DTWD2: variants seen among roughly 807,000 people sequenced by gnomAD.
DTWD2 encodes the protein tRNA-uridine aminocarboxypropyltransferase 2.
DTWD2 carries 39 observed loss-of-function variants against 31.8 expected under a neutral mutation model. That is an observed-to-expected ratio of 1.22 (90% CI 0.95 to 1.60). DTWD2 has a LOEUF of 1.60. Ranked by LOEUF, DTWD2 falls within the 40% of genes most tolerant of loss-of-function variation. The probability of loss-of-function intolerance (pLI) is 0.00; values close to 1 mark genes in which losing one functional copy is unlikely to be tolerated. For missense variants in DTWD2, 515 were observed against 381.5 expected, an observed-to-expected ratio of 1.35 and a Z score of -2.92; for synonymous variants, 180 against 142.8, an observed-to-expected ratio of 1.26 and a Z score of -1.86.
intron 1 of DTWD2, among the ~76,000 whole-genome samples, chr5:118,969,995 T>C (rs1394206772): frequency 6.6e-6 from 1 of 152,150 alleles, no homozygotes; most frequent in Non-Finnish European, 1.5e-5. Flanking sequence ...ATAAATGACC[T>C]GATGGAGCTG....
chr5:118,985,490 T>TTTTATATATATATATATA (rs139994443), intron 1 of DTWD2, among the ~76,000 whole-genome samples: 1 of 95,418 alleles, frequency 1.0e-5, no homozygotes. Context: ...ATGTGCATTT[T>TTTTATATATATATATATA]TATATATATA....
intron 4 of DTWD2, among the ~76,000 whole-genome samples, chr5:118,869,032 C>T (rs1207601415): frequency 1.3e-5 from 2 of 151,756 alleles, no homozygotes; most frequent in Non-Finnish European, 1.5e-5. Context: ...AATGGTGGTT[C>T]CCAGGAGTTG....
intron 3 of DTWD2, among the ~76,000 whole-genome samples, chr5:118,936,716 AAAAAG>A (rs1393688349): frequency 6.6e-6 from 1 of 152,144 alleles, no homozygotes; most frequent in Non-Finnish European, 1.5e-5. Context: ...CTTCTACTAA[AAAAAG>A]AAAAAAGAGA....
chr5:118,941,487 T>C (rs529988081), intron 2 of DTWD2, among the ~76,000 whole-genome samples: 2 of 152,348 alleles, frequency 1.3e-5, no homozygotes, highest in South Asian at 2.1e-4. Context: ...GCTTCATCCA[T>C]GTCCTACAAA....
intron 4 of DTWD2, among the ~76,000 whole-genome samples, chr5:118,923,392 GCTCA>G (rs1437435006): frequency 7.9e-5 from 12 of 152,184 alleles, no homozygotes; most frequent in African/African-American, 2.7e-4. Context: ...TCCTGGTCAT[GCTCA>G]CTAAGAGACA....
In DTWD2 at chr5:118,988,413, C is replaced by T. The variant is rs201681130; in HGVS notation, c.99G>A (p.Glu33=). The change falls in exon 1 of 6, where the codon GAG becomes GAA. Residue 33 remains glutamate (E), a synonymous_variant. Coordinates refer to ENST00000510708, the MANE Select transcript of DTWD2 (RefSeq NM_173666.4). ...SQTPNDKERR[E]GGAVPAAAAL... is the part of the protein sequence containing the mutation. ...CAGCCGCCGCCGGCACTGCGCCGCCCTCCCGCCGCTCCTTGTCGTTCGGCG... is the reference window on the plus strand; with the variant it reads ...CAGCCGCCGCCGGCACTGCGCCGCCTTCCCGCCGCTCCTTGTCGTTCGGCG... 2 of 1,602,888 alleles carry T rather than the reference C, an allele frequency of 1.2e-6. No individual in the cohort carries two copies. The highest frequency in any genetic ancestry group is 1.1e-5 in the South Asian group (1 of 89,892).
At chr5:118,987,992 G>A in intron 1 of DTWD2, 5 of 668,932 alleles carry the variant, frequency 7.5e-6, no homozygotes, top group South Asian at 4.7e-5. Flanking sequence ...AAGTATTACT[G>A]TCATCACCCC....
intron 1 of DTWD2, among the ~76,000 whole-genome samples, chr5:118,966,459 C>T (rs1754851889): frequency 6.6e-6 from 1 of 152,134 alleles, no homozygotes; most frequent in Non-Finnish European, 1.5e-5. Flanking sequence ...GAATATCTGT[C>T]ACCTCAAAGT....
chr5:118,967,065 A>T (rs1754868962), intron 1 of DTWD2, among the ~76,000 whole-genome samples: 1 of 152,082 alleles, frequency 6.6e-6, no homozygotes, highest in African/African-American at 2.4e-5. Flanking sequence ...CTCAAAAAAA[A>T]AAAAAGTCAA....
chr5:118,845,454 A>C (rs1009165827), intron 5 of DTWD2, among the ~76,000 whole-genome samples: 3 of 152,206 alleles, frequency 2.0e-5, no homozygotes, highest in Non-Finnish European at 4.4e-5. Context: ...CCACTAAGAA[A>C]ACAGCTTTCA....
intron 2 of DTWD2, among the ~76,000 whole-genome samples, chr5:118,942,196 G>C (rs1754222749): frequency 6.6e-6 from 1 of 152,140 alleles, no homozygotes; most frequent in Non-Finnish European, 1.5e-5. Flanking sequence ...TAATAAGTTA[G>C]ATGAAAACTG....
intron 1 of DTWD2, among the ~76,000 whole-genome samples, chr5:118,954,690 T>A (rs542523098): frequency 5.9e-5 from 9 of 152,270 alleles, no homozygotes; most frequent in African/African-American, 1.4e-4. Flanking sequence ...TTTTTGTATT[T>A]GAATAATTAA....
At chr5:118,982,686 C>CTTT (rs56102830) in intron 1 of DTWD2, among the ~76,000 whole-genome samples, 58 of 121,130 alleles carry the variant, frequency 4.8e-4, no homozygotes, top group Non-Finnish European at 6.3e-4. Context: ...AGTTTGTTTT[C>CTTT]TTTTTTTTTT....
chr5:118,868,509 C>T (rs1752430247), intron 4 of DTWD2, among the ~76,000 whole-genome samples: 2 of 152,082 alleles, frequency 1.3e-5, no homozygotes, highest in Admixed American at 6.6e-5. Context: ...GCAAATCATA[C>T]ATCTAATAAG....
intron 4 of DTWD2, among the ~76,000 whole-genome samples, chr5:118,870,622 C>A (rs1386531861): frequency 6.6e-6 from 1 of 152,192 alleles, no homozygotes; most frequent in African/African-American, 2.4e-5. Context: ...CTCATCTGAG[C>A]CTTCAGTGAG....
At chr5:118,931,958 A>G (rs1753932925) in intron 3 of DTWD2, among the ~76,000 whole-genome samples, 1 of 152,212 alleles carries the variant, frequency 6.6e-6, no homozygotes, top group Admixed American at 6.5e-5. Context: ...GAGATTAAAC[A>G]ACATACTTCT....
At chr5:118,987,975 A>G (rs1167094640) in intron 1 of DTWD2, among the ~76,000 whole-genome samples, 1 of 152,124 alleles carries the variant, frequency 6.6e-6, no homozygotes. Flanking sequence ...CTGTGTAACT[A>G]TTTTACAAGT....
chr5:118,901,079 T>G lies in DTWD2; in HGVS notation c.597+27458A>C, dbSNP rs574120330. On this transcript the variant is annotated intron_variant, in intron 4 of 5. Coordinates refer to ENST00000510708, the MANE Select transcript of DTWD2 (RefSeq NM_173666.4). ...ATATTCTGCAAAGATTCAGCTACAT[T>G]ATAAAATATGTGAATATAATTACAT... Among the ~76,000 whole-genome samples the G allele has an allele frequency of 1.5e-3, 233 of 152,110 alleles. 2 individuals are homozygous for G. The highest frequency in any genetic ancestry group is 2.1e-3 in the East Asian group (11 of 5,182).
intron 1 of DTWD2, among the ~76,000 whole-genome samples, chr5:118,965,264 T>TG (rs1333629981): frequency 1.3e-5 from 2 of 148,174 alleles, no homozygotes; most frequent in Admixed American, 6.7e-5. Context: ...GTCCGGGAGG[T>TG]GGGGGGCAGC....
Sources: gnomAD v4.1 joint callset for allele counts (sites outside exome capture counted in the v4.1 genomes callset) on GRCh38, gnomAD v4.1.1 for gene constraint, MANE v1.5 for transcripts, NCBI Gene and HGNC (gene_info 2026-07-23, HGNC 2026-07-21) for gene names.